Variants in CAMSAP1 observed in about 807,000 individuals in gnomAD.
CAMSAP1 encodes calmodulin-regulated spectrin-associated protein 1.
In CAMSAP1, 58 loss-of-function variants were observed where a neutral mutation model predicts 143.5. That is an observed-to-expected ratio of 0.40 (90% CI 0.33 to 0.50). The LOEUF is 0.50. Among genes scored for constraint, CAMSAP1 ranks in the 20% least tolerant of loss-of-function variants. The probability of loss-of-function intolerance (pLI) is 0.45; values close to 1 mark genes in which losing one functional copy is unlikely to be tolerated. For missense variants in CAMSAP1, 1,969 were observed against 2,115.7 expected (o/e 0.93, Z 1.36); for synonymous variants, 945 against 859.3 (o/e 1.10, Z -1.74).
In CAMSAP1 at chr9:135,827,511, T is replaced by A; in HGVS notation, c.1119A>T (p.Leu373=). The A allele has an allele frequency of 6.2e-7, 1 of 1,612,802 alleles. No individual in the cohort carries two copies. Among genetic ancestry groups the A allele is most frequent in the Non-Finnish European group, 8.5e-7 (1 of 1,178,940 alleles). Residue 373 remains leucine (L), a synonymous_variant, in exon 8 of 17, where the codon CTA becomes CTT. Transcript: ENST00000389532. ...PISNATKRSF[L]GSPAAGTLAE... is the part of the protein sequence containing the mutation. ...CCAGGGTCCCTGCAGCAGGGCTGCC[T>A]AGGAAACTGCGTTTGGTCGCGTTGG... is the stretch of plus-strand genomic sequence containing the variant.
intron 7 of CAMSAP1, among the ~76,000 whole-genome samples, chr9:135,828,121 G>A (rs1835740144): frequency 6.6e-6 from 1 of 152,262 alleles, no homozygotes; most frequent in African/African-American, 2.4e-5. Context: ...CAGGTGAGGT[G>A]CTGAGCCTGG....
intron 10 of CAMSAP1, 35 bp from the exon 11 acceptor site, chr9:135,823,295 G>A (rs141785935): frequency 4.5e-5 from 68 of 1,518,990 alleles, no homozygotes; most frequent in Non-Finnish European, 4.9e-5. Context: ...GGTGCGCTGC[G>A]GTATACACCA....
intron 16 of CAMSAP1, among the ~76,000 whole-genome samples, chr9:135,813,005 T>C (rs1835105595): frequency 6.6e-6 from 1 of 152,162 alleles, no homozygotes; most frequent in South Asian, 2.1e-4. Flanking sequence ...CTGATGCCTG[T>C]CGCCGCGTTT....
chr9:135,860,513 G>A (rs531550426), intron 5 of CAMSAP1, among the ~76,000 whole-genome samples: 15 of 149,956 alleles, frequency 1.0e-4, no homozygotes, highest in Middle Eastern at 3.5e-3. Flanking sequence ...TGGGAGAATC[G>A]CTTGAACCTG....
At chr9:135,874,844 T>A (rs543697898) in intron 3 of CAMSAP1, among the ~76,000 whole-genome samples, 1 of 152,290 alleles carries the variant, frequency 6.6e-6, no homozygotes, top group Non-Finnish European at 1.5e-5. Context: ...ATATACAAAT[T>A]ATTAATTACG....
At chr9:135,832,077 G>A (rs1487696491) in intron 7 of CAMSAP1, among the ~76,000 whole-genome samples, 1 of 152,128 alleles carries the variant, frequency 6.6e-6, no homozygotes, top group Non-Finnish European at 1.5e-5. Flanking sequence ...TATGAAGACA[G>A]CATCACCCTG....
rs144853950 is a variant in CAMSAP1 at position 135,896,034 on chromosome 9, C to T, written c.160+10966G>A. Reference sequence around the variant, plus strand: ...ATAAAATGTCAGACTCAAGTCCTAACGTTATAAATAGTAATTGTTAACAAT... The same window carrying T: ...ATAAAATGTCAGACTCAAGTCCTAATGTTATAAATAGTAATTGTTAACAAT... On this transcript the variant is annotated intron_variant, in intron 1 of 16. Coordinates refer to ENST00000389532, the MANE Select transcript of CAMSAP1 (RefSeq NM_015447.4). 7.4e-4 allele frequency among the ~76,000 whole-genome samples: 113 copies of T among 152,174 alleles called. No homozygotes were observed. In the East Asian group the frequency reaches 0.011, roughly 15 times the overall value.
chr9:135,907,072 C>A lies in CAMSAP1; in HGVS notation c.88G>T (p.Asp30Tyr). 1 of 1,177,800 alleles carries A rather than the reference C, an allele frequency of 8.5e-7. No homozygotes were observed. 73.0% of individuals were successfully genotyped at this position (1,177,800 alleles called of 1,614,324 possible). A position where few individuals can be genotyped will look rare whatever the true frequency, so the allele number is the denominator to read the frequency against. ...TTGGCGCGCGCCGCGTCGTAGCGGT[C>A]CAGGGGCACGAGGTCGGCGGCGCCG... The part of the protein sequence containing the change: ...PDGAADLVPL[D>Y]RYDAARAKIA... Residue 30 changes from aspartate (D) to tyrosine (Y), a missense_variant, in exon 1 of 17, where the codon GAC becomes TAC. Transcript: ENST00000389532.
intron 1 of CAMSAP1, among the ~76,000 whole-genome samples, chr9:135,887,720 G>C (rs1457888824): frequency 6.6e-6 from 1 of 152,190 alleles, no homozygotes; most frequent in East Asian, 1.9e-4. Context: ...TGCTGAGTGG[G>C]AGGGCCCAGC....
At chr9:135,905,970 G>C (rs888458394) in intron 1 of CAMSAP1, among the ~76,000 whole-genome samples, 1 of 152,176 alleles carries the variant, frequency 6.6e-6, no homozygotes, top group Non-Finnish European at 1.5e-5. Context: ...CAGTAAACAA[G>C]AACTGTAAAA....
At chr9:135,880,202 G>A (rs962346093) in intron 3 of CAMSAP1, among the ~76,000 whole-genome samples, 3 of 152,134 alleles carry the variant, frequency 2.0e-5, no homozygotes, top group East Asian at 3.9e-4. Flanking sequence ...GAGCGTCCCC[G>A]AAGCTCAGGC....
intron 1 of CAMSAP1, among the ~76,000 whole-genome samples, chr9:135,898,841 C>T (rs1290706433): frequency 4.6e-5 from 7 of 152,176 alleles, no homozygotes; most frequent in African/African-American, 9.7e-5. Flanking sequence ...TATTATCACC[C>T]AGTAATCCCA....
intron 7 of CAMSAP1, among the ~76,000 whole-genome samples, chr9:135,845,339 A>T (rs1288003452): frequency 1.3e-5 from 2 of 152,206 alleles, no homozygotes; most frequent in Non-Finnish European, 2.9e-5. Context: ...AAAAACTCTC[A>T]ATAAACTAGG....
chr9:135,815,956 T>C lies in CAMSAP1; in HGVS notation c.4321A>G (p.Ser1441Gly), dbSNP rs754850459. 8.1e-6 allele frequency: 13 copies of C among 1,613,858 alleles called. No individual in the cohort carries two copies. Among genetic ancestry groups the C allele is most frequent in the Non-Finnish European group, 1.0e-5 (12 of 1,179,900 alleles). ...LPILSRNPSR[S>G]TDRDWETASA... ...GCGGTCTCCCAGTCTCGGTCTGTGCTCCTGCTTGGGTTACGGCTCAGTATG... is the reference window on the plus strand; with the variant it reads ...GCGGTCTCCCAGTCTCGGTCTGTGCCCCTGCTTGGGTTACGGCTCAGTATG... Residue 1441 changes from serine to glycine, a missense_variant, in exon 15 of 17, where the codon AGC (serine) becomes GGC (glycine). Ser to Gly is a moderately conservative substitution (Grantham distance 56, BLOSUM62 0). This residue lies in a region of CAMSAP1 where 1,390 missense variants were observed against 1,420.8 expected (regional missense o/e 0.98). Coordinates refer to ENST00000389532, the MANE Select transcript of CAMSAP1 (RefSeq NM_015447.4).
At chr9:135,855,140 C>T (rs1206505161) in intron 5 of CAMSAP1, among the ~76,000 whole-genome samples, 2 of 152,102 alleles carry the variant, frequency 1.3e-5, no homozygotes, top group African/African-American at 4.8e-5. Flanking sequence ...TACAGGTGTG[C>T]ACCACCACCC....
At chr9:135,894,265 T>C (rs1020051728) in intron 1 of CAMSAP1, among the ~76,000 whole-genome samples, 1 of 152,002 alleles carries the variant, frequency 6.6e-6, no homozygotes, top group African/African-American at 2.4e-5. Context: ...ATCCAGCAAG[T>C]GGGACCACCA....
intron 7 of CAMSAP1, among the ~76,000 whole-genome samples, chr9:135,829,722 G>A (rs1037994886): frequency 2.2e-4 from 34 of 151,666 alleles, no homozygotes; most frequent in African/African-American, 6.3e-4. Flanking sequence ...GCGTGGTGGC[G>A]GATACCTGTA....
At chr9:135,828,792 G>C (rs967996217) in intron 7 of CAMSAP1, among the ~76,000 whole-genome samples, 2 of 152,166 alleles carry the variant, frequency 1.3e-5, no homozygotes, top group African/African-American at 4.8e-5. Context: ...AAAGAATTTT[G>C]AAAGCAGCAA....
In CAMSAP1 at chr9:135,862,625, G is replaced by A; in HGVS notation, c.667-17C>T. On this transcript the variant is annotated splice_polypyrimidine_tract_variant and intron_variant, in intron 4 of 16. Transcript: ENST00000389532. ...ATAGCGGACCTGTAGTTGATAAAAG[G>A]AAAACGGTCTCTGCATGTGATGTCT... The A allele has an allele frequency of 6.4e-7, 1 of 1,551,414 alleles. No individual in the cohort carries two copies. The highest frequency in any genetic ancestry group is 8.7e-7 in the Non-Finnish European group (1 of 1,147,008).
Sources: gnomAD v4.1 joint callset for allele counts (sites outside exome capture counted in the v4.1 genomes callset) on GRCh38, gnomAD v4.1.1 for gene constraint, gnomAD v4.1.1 regional missense constraint, MANE v1.5 for transcripts, NCBI Gene and HGNC (gene_info 2026-07-23, HGNC 2026-07-21) for gene names.